Variants in CADM1 observed in about 807,000 individuals in gnomAD.
CADM1 encodes the protein TSLC-1.
A neutral mutation model predicts 53.1 loss-of-function variants in CADM1; 15 were observed. That is an observed-to-expected ratio of 0.28 (90% CI 0.19 to 0.44). CADM1 has a LOEUF of 0.44. Ranked by LOEUF, CADM1 falls within the 20% of genes least tolerant of loss-of-function variation. The pLI, the probability that CADM1 is intolerant of heterozygous loss-of-function variation, is 1.00. For missense variants in CADM1, 434 were observed against 611.3 expected (o/e 0.71, Z 3.06); for synonymous variants, 281 against 243.0 (o/e 1.16, Z -1.45).
At position 115,328,239 on chromosome 11, in the gene CADM1, C is replaced by T. The variant is rs139400980; in HGVS notation, c.125-87819G>A. 2.2e-3 allele frequency among the ~76,000 whole-genome samples: 329 copies of T among 152,028 alleles called. 4 individuals carry two copies. Among genetic ancestry groups the T allele is most frequent in the African/African-American group, 7.5e-3 (313 of 41,486 alleles). ...GGGCCTAAAACTTAGGACTTATTTA[C>T]GTCTCTTCTGATTTCTGCCTTCCCC... On this transcript the variant is annotated intron_variant, in intron 1 of 11. Transcript: ENST00000331581.
At chr11:115,308,599 A>G (rs1479330956) in intron 1 of CADM1, among the ~76,000 whole-genome samples, 10 of 151,976 alleles carry the variant, frequency 6.6e-5, no homozygotes, top group Non-Finnish European at 1.3e-4. Flanking sequence ...TATTTTTCAC[A>G]TTTTAGTTTT....
intron 8 of CADM1, among the ~76,000 whole-genome samples, chr11:115,208,789 T>C (rs1940814824): frequency 6.6e-6 from 1 of 152,102 alleles, no homozygotes; most frequent in African/African-American, 2.4e-5. Flanking sequence ...AGAAACCCCA[T>C]GGCTCCCAGA....
At chr11:115,359,132 A>C (rs972255431) in intron 1 of CADM1, among the ~76,000 whole-genome samples, 4 of 152,090 alleles carry the variant, frequency 2.6e-5, no homozygotes, top group African/African-American at 9.7e-5. Flanking sequence ...AGATGGTAGA[A>C]ATTTTTGAGA....
chr11:115,254,054 T>C (rs1244134493), intron 1 of CADM1, among the ~76,000 whole-genome samples: 3 of 152,190 alleles, frequency 2.0e-5, no homozygotes, highest in Non-Finnish European at 2.9e-5. Context: ...ATAATCCACA[T>C]ATTTGTACAG....
chr11:115,385,646 A>C (rs1946682437), intron 1 of CADM1, among the ~76,000 whole-genome samples: 1 of 151,766 alleles, frequency 6.6e-6, no homozygotes, highest in Non-Finnish European at 1.5e-5. Context: ...AAAAAAAAAA[A>C]AAAGCCCGCC....
chr11:115,196,595 TAAAAAAA>T (rs61694033), intron 9 of CADM1, among the ~76,000 whole-genome samples: 6 of 76,894 alleles, frequency 7.8e-5, no homozygotes, highest in African/African-American at 2.6e-4. Flanking sequence ...GCTGATGAAC[TAAAAAAA>T]AAAAAAAAAA....
intron 6 of CADM1, among the ~76,000 whole-genome samples, chr11:115,217,406 C>A (rs1224874656): frequency 6.6e-6 from 1 of 152,084 alleles, no homozygotes; most frequent in Non-Finnish European, 1.5e-5. Flanking sequence ...TTCTGGGAGT[C>A]AAGTATGAAT....
At chr11:115,477,350 A>G (rs963238027) in intron 1 of CADM1, among the ~76,000 whole-genome samples, 1 of 152,232 alleles carries the variant, frequency 6.6e-6, no homozygotes, top group Non-Finnish European at 1.5e-5. Context: ...TTTAAAGGCT[A>G]TTTCCATTCT....
At chr11:115,260,683 A>AT (rs71467376) in intron 1 of CADM1, among the ~76,000 whole-genome samples, 19 of 151,264 alleles carry the variant, frequency 1.3e-4, no homozygotes, top group African/African-American at 3.9e-4. Context: ...TATTTTATTT[A>AT]TTTTTTTCAG....
intron 10 of CADM1, among the ~76,000 whole-genome samples, chr11:115,187,597 C>T (rs1479726556): frequency 6.6e-6 from 1 of 152,092 alleles, no homozygotes; most frequent in African/African-American, 2.4e-5. Flanking sequence ...CATGCCACCA[C>T]GCCTGGCTAA....
At chr11:115,503,941 T>C (rs1385709161) in intron 1 of CADM1, among the ~76,000 whole-genome samples, 1 of 152,032 alleles carries the variant, frequency 6.6e-6, no homozygotes, top group Non-Finnish European at 1.5e-5. Context: ...GTTGAGGTTG[T>C]CTTTGAACCA....
chr11:115,214,804 C>A (rs1442639400), intron 6 of CADM1, 24 bp from the exon 7 acceptor site: 3 of 1,612,220 alleles, frequency 1.9e-6, no homozygotes, highest in African/African-American at 2.7e-5. Flanking sequence ...GGGAGGAAGA[C>A]AAGTCACATT....
chr11:115,273,919 A>G (rs1265847167), intron 1 of CADM1, among the ~76,000 whole-genome samples: 2 of 152,232 alleles, frequency 1.3e-5, no homozygotes, highest in Non-Finnish European at 2.9e-5. Flanking sequence ...GACATTACAT[A>G]CTAGAGTGTT....
At chr11:115,346,779 T>C (rs1945590564) in intron 1 of CADM1, among the ~76,000 whole-genome samples, 4 of 152,170 alleles carry the variant, frequency 2.6e-5, no homozygotes, top group African/African-American at 9.7e-5. Context: ...GCCCCACAAT[T>C]CAGTTCCTAA....
Position 115,209,632 on chromosome 11 carries a change from GGGA to G in CADM1, c.1017_1019del (p.Pro340del). The G allele has an allele frequency of 6.2e-7, 1 of 1,612,928 alleles. No individual in the cohort carries two copies. Among genetic ancestry groups the G allele is most frequent in the Non-Finnish European group, 8.5e-7 (1 of 1,179,770 alleles). Reference sequence around the variant, plus strand: ...TGGTGGTGGTGGTGGTGGTTGTTGTGGGAGGAGGGATAGTTGTGGGGGGATCTG... The same window carrying G: ...TGGTGGTGGTGGTGGTGGTTGTTGTGGGAGGGATAGTTGTGGGGGGATCTG... On this transcript the variant is annotated inframe_deletion, in exon 8 of 12. Transcript: ENST00000331581.
chr11:115,175,101 T>C lies in CADM1; in HGVS notation c.*1373A>G. ...GGCTAGTGTATGAAAGGTAAAAAGA[T>C]AAAAACACTCACATTTGAGTTTTGA... On this transcript the variant is annotated 3_prime_UTR_variant, in exon 12 of 12. Transcript: ENST00000331581. The C allele has an allele frequency of 1.0e-6, 1 of 985,848 alleles. No individual in the cohort carries two copies. The highest frequency in any genetic ancestry group is 1.2e-6 in the Non-Finnish European group (1 of 829,932). 61.1% of individuals were successfully genotyped at this position (985,848 alleles called of 1,614,324 possible). A position where few individuals can be genotyped will look rare whatever the true frequency, so the allele number is the denominator to read the frequency against.
At chr11:115,212,125 G>GA (rs1940992536) in intron 7 of CADM1, among the ~76,000 whole-genome samples, 2 of 152,144 alleles carry the variant, frequency 1.3e-5, no homozygotes, top group African/African-American at 4.8e-5. Context: ...CACCACTTAA[G>GA]AAAGTACAGA....
At chr11:115,257,387 G>C (rs2135002724) in intron 1 of CADM1, among the ~76,000 whole-genome samples, 1 of 152,308 alleles carries the variant, frequency 6.6e-6, no homozygotes, top group East Asian at 1.9e-4. Flanking sequence ...TGCAGAATCA[G>C]ACAGACTCCA....
chr11:115,378,470 C>T (rs1414531819), intron 1 of CADM1, among the ~76,000 whole-genome samples: 2 of 151,948 alleles, frequency 1.3e-5, no homozygotes, highest in African/African-American at 4.8e-5. Context: ...GAAAACTGCA[C>T]GGATACAGAG....
Sources: gnomAD v4.1 joint callset for allele counts (sites outside exome capture counted in the v4.1 genomes callset) on GRCh38, gnomAD v4.1.1 for gene constraint, MANE v1.5 for transcripts, NCBI Gene and HGNC (gene_info 2026-07-23, HGNC 2026-07-21) for gene names.